Variants in IQSEC1 observed in about 807,000 individuals in gnomAD.
The protein encoded by IQSEC1 is IQ motif and Sec7 domain ArfGEF 1.
In IQSEC1, 31 loss-of-function variants were observed where a neutral mutation model predicts 91.0. That is an observed-to-expected ratio of 0.34 (90% CI 0.26 to 0.46). The LOEUF is 0.46. Ranked by LOEUF, IQSEC1 falls within the 20% of genes least tolerant of loss-of-function variation. The probability of loss-of-function intolerance (pLI) is 1.00; values close to 1 mark genes in which losing one functional copy is unlikely to be tolerated. For missense variants in IQSEC1, 1,388 were observed against 1,575.6 expected (o/e 0.88, Z 2.02); for synonymous variants, 699 against 662.6 (o/e 1.05, Z -0.84).
intron 1 of IQSEC1, among the ~76,000 whole-genome samples, chr3:13,170,315 G>T (rs1375155300): frequency 2.0e-5 from 3 of 152,286 alleles, no homozygotes; most frequent in African/African-American, 7.2e-5. Flanking sequence ...TTCAGAGGAT[G>T]TATGGAAACG....
chr3:12,966,880 G>A (rs960039642), intron 1 of IQSEC1, among the ~76,000 whole-genome samples: 5 of 152,128 alleles, frequency 3.3e-5, no homozygotes, highest in African/African-American at 9.7e-5. Flanking sequence ...CCAGACATAG[G>A]CCCAATGTCT....
intron 2 of IQSEC1, among the ~76,000 whole-genome samples, chr3:13,133,256 A>G (rs1294516650): frequency 6.6e-6 from 1 of 152,180 alleles, no homozygotes; most frequent in Non-Finnish European, 1.5e-5. Flanking sequence ...TCCAGCAGTG[A>G]TGAGCTCCCC....
intron 1 of IQSEC1, among the ~76,000 whole-genome samples, chr3:13,167,928 G>T (rs1693529128): frequency 6.6e-6 from 1 of 152,196 alleles, no homozygotes; most frequent in Admixed American, 6.5e-5. Context: ...CTGAGAAGGT[G>T]GGCATGAGCA....
intron 1 of IQSEC1, among the ~76,000 whole-genome samples, chr3:13,058,987 G>C (rs1286862233): frequency 2.0e-5 from 3 of 152,024 alleles, no homozygotes; most frequent in Non-Finnish European, 4.4e-5. Flanking sequence ...TGGATGGGGG[G>C]GTAGTGCCCT....
chr3:12,916,663 A>C (rs1177157061), intron 6 of IQSEC1, among the ~76,000 whole-genome samples: 1 of 152,204 alleles, frequency 6.6e-6, no homozygotes, highest in African/African-American at 2.4e-5. Flanking sequence ...CACTGACTGC[A>C]TTTGGGGAAC....
chr3:13,140,899 C>G (rs1182384074), intron 2 of IQSEC1, among the ~76,000 whole-genome samples: 1 of 152,152 alleles, frequency 6.6e-6, no homozygotes, highest in Non-Finnish European at 1.5e-5. Context: ...GAGTGTCCTG[C>G]CAGCGCTGGT....
At chr3:13,104,423 C>G (rs1283120101) in intron 2 of IQSEC1, among the ~76,000 whole-genome samples, 6 of 152,178 alleles carry the variant, frequency 3.9e-5, no homozygotes, top group Non-Finnish European at 8.8e-5. Flanking sequence ...TCACCCATCC[C>G]TTACATTTCT....
rs111829381 is a variant in IQSEC1 at position 12,979,326 on chromosome 3, C to G, written c.24-37461G>C. On this transcript the variant is annotated intron_variant, in intron 1 of 13. Coordinates refer to ENST00000613206, the MANE Select transcript of IQSEC1 (RefSeq NM_001134382.3). The surrounding 1 kb of genome is among the most constrained non-coding windows in gnomAD (Gnocchi z 4.3). Reference sequence around the variant, plus strand: ...CCTGAGGCCTGCTGTGTTTTGTTTACAACACAGATTAGCAAGCACAGAGAA... The same window carrying G: ...CCTGAGGCCTGCTGTGTTTTGTTTAGAACACAGATTAGCAAGCACAGAGAA... Among the ~76,000 whole-genome samples, 1,085 of 152,308 alleles carry G rather than the reference C, an allele frequency of 7.1e-3. 20 individuals are homozygous for G. Among genetic ancestry groups the G allele is most frequent in the African/African-American group, 0.025 (1,026 of 41,550 alleles).
chr3:12,908,610 C>G lies in IQSEC1; in HGVS notation c.2579-85G>C, dbSNP rs534429144. On this transcript the variant is annotated intron_variant, in intron 11 of 13. Transcript: ENST00000613206. The surrounding 1 kb of genome is among the most constrained non-coding windows in gnomAD (Gnocchi z 4.9). ...CGGGGCCTTCTGCTTGGAGCTAGCA[C>G]TGTCCTGAGCCACCATCTGCTTGGA... 2.1e-6 allele frequency: 3 copies of G among 1,409,292 alleles called. No individual in the cohort carries two copies. In the African/African-American group the frequency reaches 4.3e-5, roughly 20 times the overall value. 87.3% of individuals were successfully genotyped at this position (1,409,292 alleles called of 1,614,324 possible).
At chr3:13,016,552 C>T (rs1016608478) in intron 1 of IQSEC1, among the ~76,000 whole-genome samples, 6 of 152,178 alleles carry the variant, frequency 3.9e-5, no homozygotes, top group African/African-American at 1.4e-4. Context: ...ACGGGGACTG[C>T]TCCTCCCGCC....
intron 1 of IQSEC1, among the ~76,000 whole-genome samples, chr3:13,220,777 G>A (rs1481707187): frequency 2.6e-5 from 4 of 152,162 alleles, no homozygotes; most frequent in African/African-American, 9.7e-5. Flanking sequence ...GGACACTCAC[G>A]TCCCGGGATA....
intron 2 of IQSEC1, among the ~76,000 whole-genome samples, chr3:13,161,193 G>A (rs1273596026): frequency 6.6e-6 from 1 of 152,212 alleles, no homozygotes; most frequent in Non-Finnish European, 1.5e-5. Flanking sequence ...GGAGCTGGAG[G>A]TGCGCATGGG....
intron 1 of IQSEC1, among the ~76,000 whole-genome samples, chr3:13,228,656 G>A (rs1694796809): frequency 1.3e-5 from 2 of 152,202 alleles, no homozygotes; most frequent in Non-Finnish European, 2.9e-5. Context: ...AGGAGTGGCA[G>A]GATCTGGCCC....
intron 1 of IQSEC1, among the ~76,000 whole-genome samples, chr3:13,196,547 C>G (rs111417303): frequency 2.0e-5 from 3 of 152,340 alleles, no homozygotes; most frequent in Middle Eastern, 3.4e-3. Flanking sequence ...TTGCCCTGCA[C>G]GTCTGGCTGT....
intron 1 of IQSEC1, chr3:13,015,660 G>A (rs1703091745): frequency 1.0e-6 from 1 of 985,036 alleles, no homozygotes; most frequent in South Asian, 4.7e-5. Flanking sequence ...TGAGCTGTGG[G>A]TCCATCCCCA....
intron 1 of IQSEC1, among the ~76,000 whole-genome samples, chr3:13,278,530 G>T (rs994553499): frequency 6.6e-6 from 1 of 152,142 alleles, no homozygotes; most frequent in African/African-American, 2.4e-5. Flanking sequence ...GATAGGAGCT[G>T]GGGGGAGGCT....
At chr3:13,066,805 G>A (rs1017800673) in intron 1 of IQSEC1, among the ~76,000 whole-genome samples, 2 of 152,272 alleles carry the variant, frequency 1.3e-5, no homozygotes, top group Admixed American at 1.3e-4. Context: ...ATGCAGGCAG[G>A]GCGGGCCTGG....
chr3:13,174,728 C>T (rs1186512844), intron 1 of IQSEC1, among the ~76,000 whole-genome samples: 1 of 152,148 alleles, frequency 6.6e-6, no homozygotes, highest in African/African-American at 2.4e-5. Context: ...GCACACACAG[C>T]CAGATTTTCA....
At chr3:13,236,901 C>G (rs369378488) in intron 1 of IQSEC1, among the ~76,000 whole-genome samples, 260 of 152,314 alleles carry the variant, frequency 1.7e-3, no homozygotes, top group African/African-American at 5.5e-3. Flanking sequence ...AACAAAATGC[C>G]CCCCTCCAGC....
Sources: allele counts gnomAD v4.1 joint callset (sites outside exome capture counted in the v4.1 genomes callset), GRCh38; gene constraint gnomAD v4.1.1; non-coding constraint Gnocchi (gnomAD v3.1); transcripts MANE v1.5; gene names NCBI Gene and HGNC (gene_info 2026-07-23, HGNC 2026-07-21).